Variants in SLC35D1 observed in about 807,000 individuals in gnomAD.
SLC35D1 encodes solute carrier family 35 member D1.
SLC35D1 carries 31 observed loss-of-function variants against 46.7 expected under a neutral mutation model. That is an observed-to-expected ratio of 0.66 (90% CI 0.50 to 0.90). The LOEUF is 0.90. Ranked by LOEUF, SLC35D1 falls within the 40% of genes least tolerant of loss-of-function variation. The pLI, the probability that SLC35D1 is intolerant of heterozygous loss-of-function variation, is 0.00. For missense variants in SLC35D1, 397 were observed against 426.2 expected (o/e 0.93, Z 0.60); for synonymous variants, 195 against 164.6 (o/e 1.18, Z -1.41).
At chr1:66,976,143 A>G in the SLC35D1 span, among the ~76,000 whole-genome samples, 1 of 151,898 alleles carries the variant, frequency 6.6e-6, no homozygotes, top group African/African-American at 2.4e-5. Context: ...AGCTGGGATT[A>G]CAGGCACCTG....
the SLC35D1 span, chr1:66,984,820 G>C: frequency 5.0e-6 from 8 of 1,613,402 alleles, no homozygotes; most frequent in African/African-American, 2.7e-5. Context: ...CAATGGAAAA[G>C]AAAGTCCAGG....
In SLC35D1 at chr1:67,053,977, T is replaced by G; in HGVS notation, c.37A>C (p.Lys13Gln). Residue 13 changes from lysine (K) to glutamine (Q), a missense_variant, in exon 1 of 12, where the codon AAA (lysine) becomes CAA (glutamine). Lys to Gln is a moderately conservative substitution (Grantham distance 53). Transcript: ENST00000235345. ...EVHRRQHARVKGEAPAKSSTL... is the reference protein window; with the variant it reads ...EVHRRQHARVQGEAPAKSSTL... ...GAGGATTTCGCGGGGGCTTCTCCTT[T>G]AACCCGAGCATGCTGACGTCTATGA... 3.1e-6 allele frequency: 5 copies of G among 1,613,292 alleles called. No homozygotes were observed. Among genetic ancestry groups the G allele is most frequent in the Non-Finnish European group, 4.2e-6 (5 of 1,179,534 alleles).
rs1433834825 is a variant in SLC35D1 at position 67,049,785 on chromosome 1, G to A, written c.530C>T (p.Ala177Val). The change falls in exon 6 of 12, where the codon GCC (alanine) becomes GTC (valine). Residue 177 changes from alanine to valine, a missense_variant. Coordinates refer to ENST00000235345, the MANE Select transcript of SLC35D1 (RefSeq NM_015139.3). Reference sequence around the variant, plus strand: ...TAGTCATAGGCCCACATCTTACCTGGCAGCTACAAAGGCTCCAATAATCAT... The same window carrying A: ...TAGTCATAGGCCCACATCTTACCTGACAGCTACAAAGGCTCCAATAATCAT... ...FAMIIGAFVA[A>V]SSDLAFDLEG... 8 of 1,613,204 alleles carry A rather than the reference G, an allele frequency of 5.0e-6. No individual in the cohort carries two copies. Among genetic ancestry groups the A allele is most frequent in the Non-Finnish European group, 6.8e-6 (8 of 1,179,536 alleles).
intron 8 of SLC35D1, among the ~76,000 whole-genome samples, chr1:67,039,493 T>TTGTGTGTGTG (rs71801070): frequency 0.41 from 60,301 of 148,448 alleles, 12,664 homozygotes; most frequent in South Asian, 0.52. Flanking sequence ...AGTGAAAAAA[T>TTGTGTGTGTG]TGTGTGTGTG....
chr1:67,018,126 G>C (rs956617344), intron 10 of SLC35D1, among the ~76,000 whole-genome samples: 1 of 152,066 alleles, frequency 6.6e-6, no homozygotes, highest in Non-Finnish European at 1.5e-5. Flanking sequence ...CTAATAAAAC[G>C]CCCTTTGAGA....
At chr1:66,981,981 G>A in the SLC35D1 span, 1 of 1,558,616 alleles carries the variant, frequency 6.4e-7, no homozygotes, top group Non-Finnish European at 8.8e-7. Flanking sequence ...GCAGTGACTT[G>A]GGAAATTCCG....
intron 8 of SLC35D1, among the ~76,000 whole-genome samples, chr1:67,026,000 C>T (rs912073308): frequency 2.0e-5 from 3 of 152,122 alleles, no homozygotes; most frequent in African/African-American, 4.8e-5. Flanking sequence ...TTTGCTTCTT[C>T]CTTTCAAATC....
At chr1:67,029,046 T>C (rs1478085550) in intron 8 of SLC35D1, among the ~76,000 whole-genome samples, 1 of 152,214 alleles carries the variant, frequency 6.6e-6, no homozygotes, top group Admixed American at 6.5e-5. Context: ...TCCGTGTTAT[T>C]CCATCATGGC....
At chr1:66,978,616 T>C in the SLC35D1 span, among the ~76,000 whole-genome samples, 2 of 152,230 alleles carry the variant, frequency 1.3e-5, no homozygotes, top group Non-Finnish European at 2.9e-5. Context: ...TTCAAGGTAT[T>C]ATATAGGGAA....
At chr1:66,991,838 C>T in the SLC35D1 span, among the ~76,000 whole-genome samples, 1 of 151,958 alleles carries the variant, frequency 6.6e-6, no homozygotes, top group African/African-American at 2.4e-5. Flanking sequence ...CCCACTCATC[C>T]AAATTCAGCC....
chr1:67,042,356 A>AT (rs1271225771), intron 7 of SLC35D1, 28 bp from the exon 8 acceptor site: 1 of 1,601,868 alleles, frequency 6.2e-7, no homozygotes, highest in Non-Finnish European at 8.6e-7. Context: ...TAGGTGTTTC[A>AT]TCTGCGTTTT....
At chr1:67,018,040 T>G (rs1667721722) in intron 10 of SLC35D1, among the ~76,000 whole-genome samples, 1 of 152,124 alleles carries the variant, frequency 6.6e-6, no homozygotes, top group South Asian at 2.1e-4. Context: ...CTCACAGGCC[T>G]CTAGATTAGG....
At chr1:66,992,260 A>G in the SLC35D1 span, among the ~76,000 whole-genome samples, 4 of 152,222 alleles carry the variant, frequency 2.6e-5, no homozygotes, top group South Asian at 2.1e-4. Context: ...GTGGCTTTCA[A>G]ATTTTTGCTG....
the SLC35D1 span, among the ~76,000 whole-genome samples, chr1:66,992,299 C>G: frequency 1.3e-5 from 2 of 152,314 alleles, no homozygotes; most frequent in East Asian, 3.9e-4. Context: ...GTCCCAACTG[C>G]CTTTACTTTC....
chr1:67,002,605 G>A lies in SLC35D1; in HGVS notation c.*1735C>T, dbSNP rs1667363277. 2.6e-5 allele frequency: 4 copies of A among 152,268 alleles called. No individual in the cohort carries two copies. The highest frequency in any genetic ancestry group is 2.6e-4 in the Admixed American group (4 of 15,270). The allele number at this position is 152,268 out of a possible 1,614,324, so 9.4% of individuals were successfully genotyped here. On this transcript the variant is annotated 3_prime_UTR_variant, in exon 12 of 12. Coordinates refer to ENST00000235345, the MANE Select transcript of SLC35D1 (RefSeq NM_015139.3). ...AAGTGAGTCTAAGGCTCTTAATGAA[G>A]CTTGTAACTTGGGAGTTGGTTGCAG...
chr1:66,977,656 TC>T, the SLC35D1 span, among the ~76,000 whole-genome samples: 1 of 152,168 alleles, frequency 6.6e-6, no homozygotes, highest in Non-Finnish European at 1.5e-5. Flanking sequence ...AGTGAAACAT[TC>T]CACTACCACT....
chr1:66,976,265 G>A, the SLC35D1 span, among the ~76,000 whole-genome samples: 4 of 152,122 alleles, frequency 2.6e-5, no homozygotes, highest in African/African-American at 7.2e-5. Context: ...GCCTCCCAAA[G>A]TGCTGGGATT....
chr1:67,028,908 G>T (rs2815361), intron 8 of SLC35D1, among the ~76,000 whole-genome samples: 118,392 of 152,036 alleles, frequency 0.78, 46,399 homozygotes, highest in South Asian at 0.88. Context: ...TGAGTCTTTT[G>T]TTATAGCTTT....
rs1183811829 is a variant in SLC35D1 at position 67,021,718 on chromosome 1, GACACAGAC to G, written c.730-124_730-117del. On this transcript the variant is annotated intron_variant, in intron 8 of 11. Coordinates refer to ENST00000235345, the MANE Select transcript of SLC35D1 (RefSeq NM_015139.3). ...CAACACAGACACAGACACAGACACA[GACACAGAC>G]ACACACACACACACACACACACACA... is the stretch of plus-strand genomic sequence containing the variant. The G allele has an allele frequency of 0.072, 32,270 of 445,456 alleles. 2,137 individuals carry two copies. The highest frequency in any genetic ancestry group is 0.33 in the African/African-American group (14,750 of 44,432). The allele number at this position is 445,456 out of a possible 1,614,324, so 27.6% of individuals were successfully genotyped here.
Sources: gnomAD v4.1 joint callset for allele counts (sites outside exome capture counted in the v4.1 genomes callset) on GRCh38, gnomAD v4.1.1 for gene constraint, MANE v1.5 for transcripts, NCBI Gene and HGNC (gene_info 2026-07-23, HGNC 2026-07-21) for gene names.